The following ZEB2 variants were observed in gnomAD, a reference collection of about 807,000 sequenced individuals.
ZEB2 encodes zinc finger E-box binding homeobox 2, also known as zinc finger E-box-binding homeobox 2.
Under a neutral mutation model 99.9 loss-of-function variants are expected in ZEB2, and 6 were observed. The ratio of observed to expected loss-of-function variants is 0.06; its 90% CI spans 0.03 to 0.12. The LOEUF (loss-of-function observed/expected upper bound fraction) is 0.12. ZEB2 is among the 10% of genes least tolerant of loss of function. The pLI, the probability that ZEB2 is intolerant of heterozygous loss-of-function variation, is 1.00. For missense variants in ZEB2, 969 were observed against 1,502.8 expected, an observed-to-expected ratio of 0.64 and a Z score of 5.87; for synonymous variants, 517 against 542.5, an observed-to-expected ratio of 0.95 and a Z score of 0.65.
chr2:144,467,325 G>A (rs1704286236), intron 2 of ZEB2, among the ~76,000 whole-genome samples: 1 of 152,038 alleles, frequency 6.6e-6, no homozygotes, highest in South Asian at 2.1e-4. Context: ...CAAATCATGT[G>A]GAATGTTAAA....
At chr2:144,414,108 C>A (rs959380589) in intron 4 of ZEB2, among the ~76,000 whole-genome samples, 1 of 152,186 alleles carries the variant, frequency 6.6e-6, no homozygotes, top group Non-Finnish European at 1.5e-5. Flanking sequence ...GATTTTCAGT[C>A]TAGATCTGGA....
chr2:144,517,176 G>A (rs1443477975), intron 2 of ZEB2, 102 bp downstream of exon 2: 3 of 1,517,650 alleles, frequency 2.0e-6, no homozygotes, highest in African/African-American at 2.8e-5. Flanking sequence ...CCTGGGCGCC[G>A]CCGCCGCCGC....
At chr2:144,421,219 A>G (rs542077105) in intron 4 of ZEB2, among the ~76,000 whole-genome samples, 1 of 152,308 alleles carries the variant, frequency 6.6e-6, no homozygotes, top group South Asian at 2.1e-4. Context: ...TCCAGGATCC[A>G]TGGCGATAAA....
At chr2:144,437,669 G>T (rs1038928662) in intron 2 of ZEB2, among the ~76,000 whole-genome samples, 1 of 152,076 alleles carries the variant, frequency 6.6e-6, no homozygotes, top group African/African-American at 2.4e-5. Flanking sequence ...TATCTGACAT[G>T]AGGGCAGACC....
intron 2 of ZEB2, among the ~76,000 whole-genome samples, chr2:144,486,519 A>G (rs1704599999): frequency 6.6e-6 from 1 of 152,132 alleles, no homozygotes; most frequent in African/African-American, 2.4e-5. Flanking sequence ...TACCTTGATC[A>G]TGGTTTTGAT....
chr2:144,519,424 G>GTC, intron 1 of ZEB2: 1 of 152,270 alleles, frequency 6.6e-6, no homozygotes, highest in Non-Finnish European at 1.5e-5. Context: ...CTTCTCGGTG[G>GTC]GAGAGGATGA....
chr2:144,398,677 G>A lies in ZEB2; in HGVS notation c.2510C>T (p.Thr837Ile), dbSNP rs779252689. The A allele has an allele frequency of 6.2e-7, 1 of 1,613,936 alleles. No individual in the cohort carries two copies. Among genetic ancestry groups the A allele is most frequent in the Non-Finnish European group, 8.5e-7 (1 of 1,179,976 alleles). ...ATCTAAACTGATGCTACTAGCTTTT[G>A]TTTTGTTCTTTGTGGCTATAATACT... The part of the protein sequence containing the change: ...PKSIIATKNK[T>I]KASSISLDHN... Residue 837 changes from threonine to isoleucine, a missense_variant, in exon 8 of 10, where the codon ACA becomes ATA. Thr to Ile is a moderately conservative substitution (Grantham distance 89, BLOSUM62 -1). Around this residue, in one of 8 missense-constraint regions of ZEB2, gnomAD observed 346 missense variants for 460.0 expected, o/e 0.75. Coordinates refer to ENST00000627532, the MANE Select transcript of ZEB2 (RefSeq NM_014795.4).
intron 2 of ZEB2, among the ~76,000 whole-genome samples, chr2:144,471,121 G>A (rs1162499078): frequency 6.6e-6 from 1 of 152,102 alleles, no homozygotes; most frequent in East Asian, 1.9e-4. Context: ...CATAACAGCG[G>A]TAGTTACCTG....
intron 9 of ZEB2, among the ~76,000 whole-genome samples, 182 bp downstream of exon 9, chr2:144,396,230 C>T (rs796587353): frequency 2.2e-4 from 34 of 152,166 alleles, no homozygotes; most frequent in African/African-American, 7.7e-4. Flanking sequence ...CTCATAAAGA[C>T]ATGAATGATC....
rs1352121163 is a variant in ZEB2 at position 144,384,999 on chromosome 2, T to A, written c.*4452A>T. The A allele has an allele frequency of 6.6e-6, 1 of 152,206 alleles. No individual in the cohort carries two copies. The highest frequency in any genetic ancestry group is 1.5e-5 in the Non-Finnish European group (1 of 68,022). The allele number at this position is 152,206 out of a possible 1,614,324, so 9.4% of individuals were successfully genotyped here. ...CTTGGTACACCAATATGATTTGTGA[T>A]GTGTTCACATATATGTCATAATATT... On this transcript the variant is annotated 3_prime_UTR_variant, in exon 10 of 10. Transcript: ENST00000627532.
chr2:144,456,914 G>C (rs1397293828), intron 2 of ZEB2, among the ~76,000 whole-genome samples: 1 of 152,112 alleles, frequency 6.6e-6, no homozygotes, highest in Non-Finnish European at 1.5e-5. Context: ...GAAGTCACCT[G>C]ACCTCGAAGT....
intron 2 of ZEB2, among the ~76,000 whole-genome samples, chr2:144,479,613 T>C (rs1704478730): frequency 6.8e-6 from 1 of 148,096 alleles, no homozygotes; most frequent in Admixed American, 6.9e-5. Flanking sequence ...CAAAGCAGGC[T>C]TCTGCTTTAT....
intron 2 of ZEB2, among the ~76,000 whole-genome samples, chr2:144,478,762 A>G (rs1704466314): frequency 6.6e-6 from 1 of 152,252 alleles, no homozygotes; most frequent in South Asian, 2.1e-4. Flanking sequence ...GCTCTCTGTT[A>G]CTGCTAAAGC....
In ZEB2 at chr2:144,517,339, C is replaced by T; in HGVS notation, c.12G>A (p.Pro4=). The change falls in exon 2 of 10, where the codon CCG becomes CCA. Residue 4 remains proline (P), a synonymous_variant. Coordinates refer to ENST00000627532, the MANE Select transcript of ZEB2 (RefSeq NM_014795.4). ...TGCACCGGGGGCCATCCGCCATGAT[C>T]GGCTGCTTCATTGATAAGAGCGGAT... MKQ[P]IMADGPRCKR... 6 of 1,613,606 alleles carry T rather than the reference C, an allele frequency of 3.7e-6. No individual in the cohort carries two copies. Among genetic ancestry groups the T allele is most frequent in the Non-Finnish European group, 4.2e-6 (5 of 1,179,856 alleles).
chr2:144,465,881 A>G (rs1704264332), intron 2 of ZEB2, among the ~76,000 whole-genome samples: 2 of 152,162 alleles, frequency 1.3e-5, no homozygotes, highest in Admixed American at 6.6e-5. Context: ...CACGTGACCT[A>G]AGACAGGCCT....
In ZEB2 at chr2:144,404,976, C is replaced by T; in HGVS notation, c.452G>A (p.Arg151Lys). 6.2e-7 allele frequency: 1 copy of T among 1,614,086 alleles called. No individual in the cohort carries two copies. Among genetic ancestry groups the T allele is most frequent in the East Asian group, 2.2e-5 (1 of 44,896 alleles). The stretch of plus-strand genomic sequence containing the variant: ...ATGACCATCGCGTTCCTCCAGTTTT[C>T]TTTTGGCAAAGTATTCCTCAAAATC... ...TSDFEEYFAK[R>K]KLEERDGHAV... Residue 151 changes from arginine (R) to lysine (K), a missense_variant, in exon 5 of 10, where the codon AGA becomes AAA. Arg to Lys is a conservative substitution (Grantham distance 26). Coordinates refer to ENST00000627532, the MANE Select transcript of ZEB2 (RefSeq NM_014795.4).
At chr2:144,462,333 C>A (rs1468976044) in intron 2 of ZEB2, 1 of 152,082 alleles carries the variant, frequency 6.6e-6, no homozygotes, top group Non-Finnish European at 1.5e-5. Flanking sequence ...ACAGTTTTAA[C>A]ATGCCTGAAA....
intron 2 of ZEB2, among the ~76,000 whole-genome samples, chr2:144,515,727 G>C (rs1342206341): frequency 1.3e-4 from 20 of 150,806 alleles, no homozygotes. Context: ...CCCCCATATG[G>C]CTCGACACCT....
chr2:144,419,180 A>G (rs902702833), intron 4 of ZEB2, among the ~76,000 whole-genome samples: 1 of 152,170 alleles, frequency 6.6e-6, no homozygotes, highest in Non-Finnish European at 1.5e-5. Flanking sequence ...TGGTCTCTAG[A>G]ATCTGGAGCC....
Sources: allele counts gnomAD v4.1 joint callset (sites outside exome capture counted in the v4.1 genomes callset), GRCh38; gene constraint gnomAD v4.1.1; regional missense constraint gnomAD v4.1.1; transcripts MANE v1.5; gene names NCBI Gene and HGNC (gene_info 2026-07-23, HGNC 2026-07-21).